The following KMT2C variants were observed in gnomAD, a reference collection of about 807,000 sequenced individuals.
KMT2C encodes histone-lysine N-methyltransferase 2C.
In KMT2C, 88 loss-of-function variants were observed where a neutral mutation model predicts 507.9. That is an observed-to-expected ratio of 0.17 (90% CI 0.15 to 0.21). The LOEUF is 0.21. Among genes scored for constraint, KMT2C ranks in the 10% least tolerant of loss-of-function variants. KMT2C has a pLI of 1.00. For synonymous variants in KMT2C, 2,049 were observed against 2,080.8 expected, an observed-to-expected ratio of 0.98 and a Z score of 0.42; for missense variants, 4,954 against 5,957.8, an observed-to-expected ratio of 0.83 and a Z score of 5.55.
At chr7:152,381,904 T>C (rs2097377496) in intron 1 of KMT2C, among the ~76,000 whole-genome samples, 2 of 152,198 alleles carry the variant, frequency 1.3e-5, no homozygotes, top group African/African-American at 4.8e-5. Flanking sequence ...TACCAATGTA[T>C]CATCTGAAAT....
chr7:152,159,696 TTTTC>T (rs1431624557), intron 43 of KMT2C, among the ~76,000 whole-genome samples: 9 of 152,296 alleles, frequency 5.9e-5, no homozygotes, highest in African/African-American at 2.2e-4. Context: ...CAAATAAACC[TTTTC>T]TTTATTTTTA....
intron 25 of KMT2C, 42 bp downstream of exon 25, chr7:152,205,064 G>C (rs2129137183): frequency 1.5e-6 from 2 of 1,341,362 alleles, no homozygotes; most frequent in Non-Finnish European, 2.1e-6. Context: ...AGACCAAAGG[G>C]TTACATTAAA....
rs772205161 is a variant in KMT2C at position 152,136,784 on chromosome 7, G to A, written c.*48C>T. The A allele has an allele frequency of 1.5e-5, 19 of 1,298,504 alleles. No homozygotes were observed. The South Asian group carries it at 1.7e-4, about 11-fold the overall frequency. 80.4% of individuals were successfully genotyped at this position (1,298,504 alleles called of 1,614,324 possible). ...CAAAATTCCAATGGTGTGTTGAATC[G>A]CCTCTTCCTAGGGACAAGCCGCCCG... On this transcript the variant is annotated 3_prime_UTR_variant, in exon 59 of 59. Transcript: ENST00000262189.
chr7:152,178,558 G>A (rs1248875958), intron 37 of KMT2C, among the ~76,000 whole-genome samples: 1 of 152,150 alleles, frequency 6.6e-6, no homozygotes, highest in Admixed American at 6.5e-5. Flanking sequence ...TGTATAAATT[G>A]TTGGACTATT....
At position 152,177,626 on chromosome 7, in the gene KMT2C, T is replaced by C. The variant is rs1325908686; in HGVS notation, c.7827A>G (p.Arg2609=). ...FPGPRHTDPM[R]RPPQGLPNQL... is the part of the protein sequence containing the mutation. ...GATTAGGTAGACCCTGGGGAGGTCG[T>C]CGCATGGGGTCTGTGTGTCTAGGGC... Residue 2609 remains arginine, a synonymous_variant, in exon 38 of 59, where the codon CGA becomes CGG. Coordinates refer to ENST00000262189, the MANE Select transcript of KMT2C (RefSeq NM_170606.3). 1 of 1,614,104 alleles carries C rather than the reference T, an allele frequency of 6.2e-7. No homozygotes were observed. The highest frequency in any genetic ancestry group is 1.1e-5 in the South Asian group (1 of 91,054).
chr7:152,400,516 C>G (rs1046214557), intron 1 of KMT2C, among the ~76,000 whole-genome samples: 1 of 152,160 alleles, frequency 6.6e-6, no homozygotes, highest in Non-Finnish European at 1.5e-5. Flanking sequence ...AAGAATCACA[C>G]AGTATCCGAC....
Position 152,252,569 on chromosome 7 carries a change from C to G in KMT2C, c.1446G>C (p.Met482Ile). 1 of 1,613,148 alleles carries G rather than the reference C, an allele frequency of 6.2e-7. No homozygotes were observed. The highest frequency in any genetic ancestry group is 1.1e-5 in the South Asian group (1 of 91,018). ...ACCTTTTGCACATATTACAATGAAG[C>G]ATGTCTTTCTGCAATTCTGGATGAT... The part of the protein sequence containing the change: ...KCYHPELQKD[M>I]LHCNMCKRWV... Residue 482 changes from methionine to isoleucine, a missense_variant, in exon 10 of 59, where the codon ATG becomes ATC. Physicochemically the swap from Met to Ile is conservative, Grantham distance 10 (BLOSUM62 1). Coordinates refer to ENST00000262189, the MANE Select transcript of KMT2C (RefSeq NM_170606.3).
intron 2 of KMT2C, among the ~76,000 whole-genome samples, chr7:152,344,531 C>T (rs2097033026): frequency 6.6e-6 from 1 of 152,068 alleles, no homozygotes; most frequent in Non-Finnish European, 1.5e-5. Flanking sequence ...AAAAGCAAAA[C>T]CACAGTTAAA....
At chr7:152,418,944 G>A (rs986853860) in intron 1 of KMT2C, among the ~76,000 whole-genome samples, 3 of 151,978 alleles carry the variant, frequency 2.0e-5, no homozygotes, top group Non-Finnish European at 4.4e-5. Context: ...CTATAATTTC[G>A]GCACTTTGAA....
At chr7:152,218,581 G>T (rs1054762792) in intron 23 of KMT2C, among the ~76,000 whole-genome samples, 1 of 152,148 alleles carries the variant, frequency 6.6e-6, no homozygotes, top group Non-Finnish European at 1.5e-5. Context: ...TATCATAGGA[G>T]AGTGTTCCTC....
At chr7:152,329,016 G>T (rs975508159) in intron 3 of KMT2C, among the ~76,000 whole-genome samples, 4 of 151,994 alleles carry the variant, frequency 2.6e-5, no homozygotes, top group Non-Finnish European at 5.9e-5. Flanking sequence ...GGACATAAAA[G>T]TCTGGAGTTC....
chr7:152,252,332 C>A (rs890851863), intron 10 of KMT2C, among the ~76,000 whole-genome samples: 1 of 152,154 alleles, frequency 6.6e-6, no homozygotes, highest in Non-Finnish European at 1.5e-5. Context: ...CCTATTAGTG[C>A]TCATTTCTGA....
intron 18 of KMT2C, among the ~76,000 whole-genome samples, chr7:152,225,453 A>AT (rs772335689): frequency 2.6e-4 from 39 of 152,224 alleles, no homozygotes; most frequent in Non-Finnish European, 5.4e-4. Context: ...CTAGAAGAGT[A>AT]TAAGTTTCCA....
intron 2 of KMT2C, among the ~76,000 whole-genome samples, chr7:152,335,010 A>G (rs755324790): frequency 1.2e-4 from 19 of 152,178 alleles, no homozygotes; most frequent in Non-Finnish European, 2.6e-4. Context: ...CAGGCCGTGA[A>G]ACACTGATAA....
intron 2 of KMT2C, among the ~76,000 whole-genome samples, chr7:152,342,076 G>A (rs950954680): frequency 6.6e-5 from 10 of 152,112 alleles, no homozygotes; most frequent in African/African-American, 2.4e-4. Flanking sequence ...CAAGTGTACT[G>A]ACAAAGCAAA....
intron 1 of KMT2C, among the ~76,000 whole-genome samples, chr7:152,398,215 A>G (rs1040316263): frequency 1.3e-5 from 2 of 152,328 alleles, no homozygotes; most frequent in East Asian, 3.9e-4. Context: ...ATATTGTTCC[A>G]TAAGGGCAGG....
At position 152,181,312 on chromosome 7, in the gene KMT2C, G is replaced by T. The variant is rs1274837940; in HGVS notation, c.6548C>A (p.Pro2183Gln). Reference sequence around the variant, plus strand: ...AACAAACAAGTCAGTTTGTGTAGATGGTCTTGGGGTTTGGGGCTGCTGACT... The same window carrying T: ...AACAAACAAGTCAGTTTGTGTAGATTGTCTTGGGGTTTGGGGCTGCTGACT... ...PYSQQPQTPRPSTQTDLFVTP... is the reference protein window; with the variant it reads ...PYSQQPQTPRQSTQTDLFVTP... Residue 2183 changes from proline (P) to glutamine (Q), a missense_variant, in exon 36 of 59, where the codon CCA becomes CAA. Pro to Gln is a moderately conservative substitution (Grantham distance 76, BLOSUM62 -1). This residue lies in a region of KMT2C where 1,689 missense variants were observed against 1,654.3 expected (regional missense o/e 1.02). Coordinates refer to ENST00000262189, the MANE Select transcript of KMT2C (RefSeq NM_170606.3). 6.2e-7 allele frequency: 1 copy of T among 1,612,008 alleles called. No homozygotes were observed. The highest frequency in any genetic ancestry group is 1.3e-5 in the African/African-American group (1 of 74,120).
chr7:152,280,562 A>AG (rs2096190082), intron 6 of KMT2C, among the ~76,000 whole-genome samples: 2 of 151,954 alleles, frequency 1.3e-5, no homozygotes, highest in Non-Finnish European at 1.5e-5. Flanking sequence ...GAAAATGGCG[A>AG]GCTCAGCCCT....
chr7:152,359,891 A>C (rs1423719469), intron 1 of KMT2C, among the ~76,000 whole-genome samples: 1 of 151,532 alleles, frequency 6.6e-6, no homozygotes, highest in Non-Finnish European at 1.5e-5. Context: ...TCTACTAAAA[A>C]TACAAAAATT....
Sources: allele counts gnomAD v4.1 joint callset (sites outside exome capture counted in the v4.1 genomes callset), GRCh38; gene constraint gnomAD v4.1.1; regional missense constraint gnomAD v4.1.1; transcripts MANE v1.5; gene names NCBI Gene and HGNC (gene_info 2026-07-23, HGNC 2026-07-21).